The following CLN3 variants were observed in gnomAD, a reference collection of about 807,000 sequenced individuals.
CLN3 encodes the protein CLN3 lysosomal/endosomal transmembrane protein, battenin.
A neutral mutation model predicts 60.7 loss-of-function variants in CLN3; 49 were observed. The observed-to-expected ratio is 0.81, with a 90% CI of 0.64 to 1.02. The LOEUF (loss-of-function observed/expected upper bound fraction) is 1.02. Ranked by LOEUF, CLN3 falls within the 50% of genes least tolerant of loss-of-function variation. The probability of loss-of-function intolerance (pLI) is 0.00; values close to 1 mark genes in which losing one functional copy is unlikely to be tolerated. For missense variants in CLN3, 516 were observed against 557.4 expected (o/e 0.93, Z 0.75); for synonymous variants, 256 against 245.8 (o/e 1.04, Z -0.39).
rs942972881 is a variant in CLN3 at position 28,482,679 on chromosome 16, G to T, written c.791-7C>A. 2 of 1,614,008 alleles carry T rather than the reference G, an allele frequency of 1.2e-6. No homozygotes were observed. Among genetic ancestry groups the T allele is most frequent in the African/African-American group, 2.7e-5 (2 of 74,916 alleles). ...GAGAGGCTGGAGCTGGAGCCTGCAG[G>T]GGAACAGAGAGAGAAGGGCAGATGA... On this transcript the variant is annotated splice_region_variant and splice_polypyrimidine_tract_variant and intron_variant, in intron 10 of 15. Transcript: ENST00000636147.
Position 28,488,615 on chromosome 16 carries a change from A to G in CLN3, c.270T>C (p.Phe90=), listed in dbSNP as rs145520962. ...CAGCCGTAGAGACAGAGTTGCAGTC[A>G]AATCGTGATGAGCTGTTGTGGGGGA... ...TPIPHNSSSR[F]DCNSVSTAAV... The change falls in exon 5 of 16, where the codon TTT becomes TTC. Residue 90 remains phenylalanine (F), a synonymous_variant. Transcript: ENST00000636147. 394 of 1,614,192 alleles carry G rather than the reference A, an allele frequency of 2.4e-4. 1 individual carries two copies. In the African/African-American group the frequency reaches 4.8e-3, roughly 20 times the overall value.
At chr16:28,489,143 C>T (rs1337482883) in intron 4 of CLN3, 147 bp downstream of exon 4, 4 of 705,622 alleles carry the variant, frequency 5.7e-6, no homozygotes, top group Admixed American at 2.0e-5. Context: ...TTCAAGTGAT[C>T]CGCCCGCCTC....
downstream of CLN3, chr16:28,476,363 G>T (rs529863481): frequency 1.4e-5 from 2 of 146,512 alleles, no homozygotes; most frequent in Non-Finnish European, 3.0e-5. Flanking sequence ...GGTAACATAG[G>T]AAGATCGCGT....
At chr16:28,473,297 C>G (rs1850887217), downstream of CLN3, among the ~76,000 whole-genome samples, 1 of 151,990 alleles carries the variant, frequency 6.6e-6, no homozygotes, top group Non-Finnish European at 1.5e-5. Flanking sequence ...TGCCATGATG[C>G]CCAGACTGGT....
At chr16:28,486,790 C>G in intron 7 of CLN3, 140 bp from the exon 8 acceptor site, 1 of 817,468 alleles carries the variant, frequency 1.2e-6, no homozygotes, top group East Asian at 2.7e-5. Flanking sequence ...GGTTCCAGGT[C>G]TGAAGCAGAG....
chr16:28,472,892 C>T (rs1472450001), downstream of CLN3, among the ~76,000 whole-genome samples: 4 of 151,646 alleles, frequency 2.6e-5, no homozygotes, highest in Non-Finnish European at 4.4e-5. Flanking sequence ...CCGCCTCAGC[C>T]TCCCAAAGTG....
At chr16:28,472,549 A>G (rs2045959023), downstream of CLN3, among the ~76,000 whole-genome samples, 1 of 151,908 alleles carries the variant, frequency 6.6e-6, no homozygotes. Flanking sequence ...TCTTAGAAGA[A>G]AATGTAGGAG....
At chr16:28,486,910 T>C (rs1357121221) in intron 7 of CLN3, 1 of 503,130 alleles carries the variant, frequency 2.0e-6, no homozygotes, top group East Asian at 3.6e-5. Flanking sequence ...ATCAGTCTTT[T>C]TCTTTTCTTT....
intron 10 of CLN3, among the ~76,000 whole-genome samples, chr16:28,482,968 G>T (rs1400170744): frequency 1.3e-5 from 2 of 151,872 alleles, no homozygotes; most frequent in African/African-American, 2.4e-5. Flanking sequence ...GCCATGTGTG[G>T]TGGCAGGTGT....
downstream of CLN3, among the ~76,000 whole-genome samples, chr16:28,473,517 C>T (rs1035387438): frequency 2.0e-5 from 3 of 152,222 alleles, no homozygotes; most frequent in African/African-American, 7.2e-5. Flanking sequence ...GCATGAGCCA[C>T]TGCACCTGGC....
the CLN3 span, among the ~76,000 whole-genome samples, chr16:28,468,343 A>G: frequency 1.6e-5 from 2 of 127,416 alleles, no homozygotes; most frequent in African/African-American, 6.0e-5. Context: ...ATTGATGTAT[A>G]ACATTGGATG....
chr16:28,480,304 C>T (rs2046066155), intron 14 of CLN3, among the ~76,000 whole-genome samples: 1 of 151,970 alleles, frequency 6.6e-6, no homozygotes, highest in African/African-American at 2.4e-5. Flanking sequence ...TCCTCCCACC[C>T]TAGCCTCCAA....
chr16:28,491,672 G>A (rs1283440885), intron 2 of CLN3, 42 bp downstream of exon 2: 3 of 1,613,962 alleles, frequency 1.9e-6, no homozygotes, highest in Non-Finnish European at 8.5e-7. Context: ...TGGGCTGCGA[G>A]CCAGAGGTGG....
Position 28,486,379 on chromosome 16 carries a change from G to A in CLN3, c.645C>T (p.Ser215=), listed in dbSNP as rs1462596482. 1.9e-6 allele frequency: 3 copies of A among 1,612,864 alleles called. No homozygotes were observed. The highest frequency in any genetic ancestry group is 1.3e-5 in the African/African-American group (1 of 75,012). ...AGLSPQQTLL[S]MLGIPALLLA... is the part of the protein sequence containing the mutation. Reference sequence around the variant, plus strand: ...GCAGCAGGGCAGGGATACCCAGCATGGACAGCAGGGTCTGCTGAGGGGAGA... The same window carrying A: ...GCAGCAGGGCAGGGATACCCAGCATAGACAGCAGGGTCTGCTGAGGGGAGA... The change falls in exon 9 of 16, where the codon TCC becomes TCT. Residue 215 remains serine (S), a synonymous_variant. Transcript: ENST00000636147.
intron 3 of CLN3, among the ~76,000 whole-genome samples, chr16:28,489,756 T>TA (rs1348239672): frequency 6.6e-6 from 1 of 150,860 alleles, no homozygotes; most frequent in Non-Finnish European, 1.5e-5. Context: ...GTCACAAAAA[T>TA]AAAAAATAAA....
At chr16:28,490,318 C>A (rs2046292457) in intron 3 of CLN3, 1 of 151,858 alleles carries the variant, frequency 6.6e-6, no homozygotes, top group Admixed American at 6.6e-5. Flanking sequence ...GTGGCACGCA[C>A]CTGTAATCCC....
the CLN3 span, among the ~76,000 whole-genome samples, chr16:28,468,938 CTGAG>C: frequency 2.5e-5 from 3 of 119,766 alleles, no homozygotes; most frequent in Non-Finnish European, 5.7e-5. Context: ...AAGACTTCCC[CTGAG>C]TAAGTTCAGA....
intron 3 of CLN3, 68 bp downstream of exon 3, chr16:28,491,414 C>T (rs1198737744): frequency 1.3e-6 from 2 of 1,575,258 alleles, no homozygotes; most frequent in African/African-American, 2.7e-5. Flanking sequence ...ACTCTTTCTT[C>T]CCCCTTTCCT....
chr16:28,489,132 C>T (rs1050774692), intron 4 of CLN3, among the ~76,000 whole-genome samples, 158 bp downstream of exon 4: 2 of 152,056 alleles, frequency 1.3e-5, no homozygotes, highest in African/African-American at 4.8e-5. Flanking sequence ...GAACTCCTGA[C>T]TTCAAGTGAT....
Sources: allele counts gnomAD v4.1 joint callset (sites outside exome capture counted in the v4.1 genomes callset), GRCh38; gene constraint gnomAD v4.1.1; transcripts MANE v1.5; gene names NCBI Gene and HGNC (gene_info 2026-07-23, HGNC 2026-07-21).